The following HAS1 variants were observed in gnomAD, a reference collection of about 807,000 sequenced individuals.
HAS1 encodes hyaluronan synthase 1, also known as HA synthase 1.
HAS1 carries 27 observed loss-of-function variants against 35.0 expected under a neutral mutation model. The observed-to-expected ratio is 0.77, with a 90% CI of 0.57 to 1.06. The LOEUF (loss-of-function observed/expected upper bound fraction) is 1.06. Ranked by LOEUF, HAS1 falls within the 50% of genes least tolerant of loss-of-function variation. The pLI, the probability that HAS1 is intolerant of heterozygous loss-of-function variation, is 0.00. For missense variants in HAS1, 940 were observed against 814.8 expected (o/e 1.15, Z -1.87); for synonymous variants, 409 against 371.2 (o/e 1.10, Z -1.17).
In HAS1 at chr19:51,713,744, G is replaced by C. The variant is rs771697406; in HGVS notation, c.1417C>G (p.Pro473Ala). The C allele has an allele frequency of 6.8e-6, 11 of 1,607,054 alleles. No homozygotes were observed. The Admixed American group carries it at 8.5e-5, about 12-fold the overall frequency. ...YAPLYMCGLL[P>A]AKFLALVTMN... is the part of the protein sequence containing the mutation. ...GTGACTAGCGCCAGGAACTTGGCAG[G>C]CAGGAGGCCACACATGTAGAGGGGC... Residue 473 changes from proline to alanine, a missense_variant, in exon 5 of 5, where the codon CCT (proline) becomes GCT (alanine). Physicochemically the swap from Pro to Ala is conservative, Grantham distance 27. Transcript: ENST00000540069. This position sits in a 1 kb window ranked among gnomAD's most constrained non-coding sequence, Gnocchi z 4.5.
In HAS1 at chr19:51,719,261, C is replaced by G. The variant is rs771909540; in HGVS notation, c.644G>C (p.Arg215Pro). The G allele has an allele frequency of 2.0e-5, 32 of 1,608,848 alleles. No individual in the cohort carries two copies. The highest frequency in any genetic ancestry group is 2.5e-5 in the Non-Finnish European group (29 of 1,178,012). The part of the protein sequence containing the change: ...VCVAQRWGGK[R>P]EVMYTAFKAL... Reference sequence around the variant, plus strand: ...CTTGAAGGCTGTGTACATGACCTCGCGCTTGCCGCCCCAGCGCTGCGCCAC... The same window carrying G: ...CTTGAAGGCTGTGTACATGACCTCGGGCTTGCCGCCCCAGCGCTGCGCCAC... Residue 215 changes from arginine (R) to proline (P), a missense_variant, in exon 2 of 5, where the codon CGC becomes CCC. Arg to Pro is a moderately radical substitution (Grantham distance 103). Transcript: ENST00000540069.
Position 51,713,303 on chromosome 19 carries a change from C to T in HAS1, c.*124G>A. 1.1e-6 allele frequency: 1 copy of T among 948,398 alleles called. No individual in the cohort carries two copies. Among genetic ancestry groups the T allele is most frequent in the Non-Finnish European group, 1.5e-6 (1 of 673,258 alleles). The allele number at this position is 948,398 out of a possible 1,614,324, so 58.7% of individuals were successfully genotyped here. ...GACTGAAGAATCTTGGGCTGACCCCCTCGTTTTGCAGAGGAGGGAAACTGA... is the reference window on the plus strand; with the variant it reads ...GACTGAAGAATCTTGGGCTGACCCCTTCGTTTTGCAGAGGAGGGAAACTGA... On this transcript the variant is annotated 3_prime_UTR_variant, in exon 5 of 5. Transcript: ENST00000540069. This position sits in a 1 kb window ranked among gnomAD's most constrained non-coding sequence, Gnocchi z 4.5.
chr19:51,719,562 C>T lies in HAS1; in HGVS notation c.343G>A (p.Ala115Thr). ...GGGTACAGCAGGGCGCGGGCGGACG[C>T]CAGGCACTGGCGCAGGTACGCGGGG... is the stretch of plus-strand genomic sequence containing the variant. ...EDPAYLRQCL[A>T]SARALLYPRA... Residue 115 changes from alanine (A) to threonine (T), a missense_variant, in exon 2 of 5, where the codon GCG becomes ACG. Coordinates refer to ENST00000540069, the MANE Select transcript of HAS1 (RefSeq NM_001297436.2). 1 of 1,545,658 alleles carries T rather than the reference C, an allele frequency of 6.5e-7. No individual in the cohort carries two copies. Among genetic ancestry groups the T allele is most frequent in the Non-Finnish European group, 8.7e-7 (1 of 1,144,898 alleles).
chr19:51,719,579 T>A lies in HAS1; in HGVS notation c.326A>T (p.Tyr109Phe), dbSNP rs1283069684. 1.3e-6 allele frequency: 2 copies of A among 1,543,968 alleles called. No homozygotes were observed. Among genetic ancestry groups the A allele is most frequent in the South Asian group, 2.4e-5 (2 of 83,262 alleles). Residue 109 changes from tyrosine to phenylalanine, a missense_variant, in exon 2 of 5, where the codon TAC becomes TTC. By Grantham distance (22) the Tyr-to-Phe change is conservative. Coordinates refer to ENST00000540069, the MANE Select transcript of HAS1 (RefSeq NM_001297436.2). ...GGCGGACGCCAGGCACTGGCGCAGG[T>A]ACGCGGGGTCCTCCTGGTAGGCGGA... is the stretch of plus-strand genomic sequence containing the variant. ...TISAYQEDPA[Y>F]LRQCLASARA...
At position 51,713,248 on chromosome 19, in the gene HAS1, A is replaced by G. The variant is rs532665049; in HGVS notation, c.*179T>C. On this transcript the variant is annotated 3_prime_UTR_variant, in exon 5 of 5. Coordinates refer to ENST00000540069, the MANE Select transcript of HAS1 (RefSeq NM_001297436.2). This position sits in a 1 kb window ranked among gnomAD's most constrained non-coding sequence, Gnocchi z 4.5. ...TGACCAATAAATACCCTCCCTGGAG[A>G]CCCAGAAGTCCCAGTCCCAATATAG... is the stretch of plus-strand genomic sequence containing the variant. 36 of 521,220 alleles carry G rather than the reference A, an allele frequency of 6.9e-5. 1 individual carries two copies. In the Admixed American group the frequency reaches 1.2e-3, roughly 18 times the overall value. The allele number at this position is 521,220 out of a possible 1,614,324, so 32.3% of individuals were successfully genotyped here. A position where few individuals can be genotyped will look rare whatever the true frequency, so the allele number is the denominator to read the frequency against.
At chr19:51,720,214 G>T (rs1568628855) in intron 1 of HAS1, among the ~76,000 whole-genome samples, 1 of 151,558 alleles carries the variant, frequency 6.6e-6, no homozygotes, top group African/African-American at 2.4e-5. Flanking sequence ...CCGAGCTCAG[G>T]CTCAGCCTCC....
intron 1 of HAS1, among the ~76,000 whole-genome samples, chr19:51,721,753 G>A (rs1307075915): frequency 4.6e-5 from 7 of 152,062 alleles, no homozygotes; most frequent in South Asian, 2.1e-4. Flanking sequence ...GTGACAGTGC[G>A]AGACTCCATC....
chr19:51,721,166 G>T (rs2083629230), intron 1 of HAS1, among the ~76,000 whole-genome samples: 1 of 151,736 alleles, frequency 6.6e-6, no homozygotes, highest in South Asian at 2.1e-4. Flanking sequence ...CCTAGGAACT[G>T]AATCTCTAAA....
intron 4 of HAS1, 116 bp downstream of exon 4, chr19:51,716,140 G>A (rs947629789): frequency 2.2e-6 from 2 of 919,640 alleles, no homozygotes; most frequent in East Asian, 4.9e-5. Context: ...AGTCTCACTT[G>A]ATAGAGCCCA....
At chr19:51,721,897 C>A (rs574963680) in intron 1 of HAS1, among the ~76,000 whole-genome samples, 5 of 152,244 alleles carry the variant, frequency 3.3e-5, no homozygotes, top group African/African-American at 1.2e-4. Flanking sequence ...GCTACTGCAC[C>A]CGGTCTCTAC....
intron 1 of HAS1, 181 bp from the exon 2 acceptor site, chr19:51,720,076 GTCTC>G (rs137889042): frequency 1.4e-4 from 71 of 516,252 alleles, no homozygotes; most frequent in South Asian, 3.0e-4. Flanking sequence ...CTGTCTCGCT[GTCTC>G]TCTCTCTCTC....
At chr19:51,717,299 T>C in intron 2 of HAS1, 106 bp from the exon 3 acceptor site, 1 of 698,268 alleles carries the variant, frequency 1.4e-6, no homozygotes, top group South Asian at 1.7e-5. Context: ...CTGCAACCGA[T>C]CTGAACATAA....
chr19:51,716,496 G>T, intron 3 of HAS1, 108 bp from the exon 4 acceptor site: 1 of 907,004 alleles, frequency 1.1e-6, no homozygotes, highest in Non-Finnish European at 1.7e-6. Flanking sequence ...CCCATCCTCA[G>T]TCATCATAAT....
Position 51,719,420 on chromosome 19 carries a change from T to A in HAS1, c.485A>T (p.Asp162Val). The change falls in exon 2 of 5, where the codon GAC (aspartate) becomes GTC (valine). Residue 162 changes from aspartate (D) to valine (V), a missense_variant. Asp to Val is a radical substitution (Grantham distance 152, BLOSUM62 -3). Coordinates refer to ENST00000540069, the MANE Select transcript of HAS1 (RefSeq NM_001297436.2). ...TTCCCAGGGCTGGTGGTAGTTGCCG[T>A]CCCACACGTACGTGGCGGGGTCCTC... ...ADEDPATYVW[D>V]GNYHQPWEPA... The A allele has an allele frequency of 6.4e-7, 1 of 1,560,592 alleles. No individual in the cohort carries two copies. The highest frequency in any genetic ancestry group is 8.7e-7 in the Non-Finnish European group (1 of 1,151,882).
Position 51,723,968 on chromosome 19 carries a change from G to T in HAS1, c.-35C>A. On this transcript the variant is annotated 5_prime_UTR_variant, in exon 1 of 5. Coordinates refer to ENST00000540069, the MANE Select transcript of HAS1 (RefSeq NM_001297436.2). ...TCTGGCCGGGCTCTCTCTTCTCTCC[G>T]GCTTGCTCTCCCAGCCTCTCTGTGG... 1 of 1,531,816 alleles carries T rather than the reference G, an allele frequency of 6.5e-7. No homozygotes were observed. The highest frequency in any genetic ancestry group is 8.7e-7 in the Non-Finnish European group (1 of 1,144,320). 94.9% of individuals were successfully genotyped at this position (1,531,816 alleles called of 1,614,324 possible).
At position 51,719,871 on chromosome 19, in the gene HAS1, C is replaced by A; in HGVS notation, c.34G>T (p.Ala12Ser). Residue 12 changes from alanine (A) to serine (S), a missense_variant, in exon 2 of 5, where the codon GCC becomes TCC. Coordinates refer to ENST00000540069, the MANE Select transcript of HAS1 (RefSeq NM_001297436.2). ...RQDAPKPTPA[A>S]CRCSGLARRV... Reference sequence around the variant, plus strand: ...CGGGCCAGGCCGGAGCAGCGGCAGGCTGCAGGAGTGGGCTTGGGCGCGTCC... The same window carrying A: ...CGGGCCAGGCCGGAGCAGCGGCAGGATGCAGGAGTGGGCTTGGGCGCGTCC... 1 of 1,539,328 alleles carries A rather than the reference C, an allele frequency of 6.5e-7. No homozygotes were observed. The highest frequency in any genetic ancestry group is 8.7e-7 in the Non-Finnish European group (1 of 1,147,328).
chr19:51,720,142 T>C lies in HAS1; in HGVS notation c.10-247A>G, dbSNP rs147859931. 8.1e-3 allele frequency among the ~76,000 whole-genome samples: 1,228 copies of C among 151,594 alleles called. 17 individuals carry two copies. The highest frequency in any genetic ancestry group is 0.027 in the African/African-American group (1,120 of 41,174). ...CTTTCGTTTTTTGTTTTTTTTTTCT[T>C]TTGAGACAGGGTCTCACTCCAGCCT... On this transcript the variant is annotated intron_variant, in intron 1 of 4. Coordinates refer to ENST00000540069, the MANE Select transcript of HAS1 (RefSeq NM_001297436.2).
In HAS1 at chr19:51,713,759, T is replaced by G. The variant is rs570540275; in HGVS notation, c.1402A>C (p.Met468Leu). Residue 468 changes from methionine (M) to leucine (L), a missense_variant, in exon 5 of 5, where the codon ATG becomes CTG. By Grantham distance (15) the Met-to-Leu change is conservative (BLOSUM62 2). Coordinates refer to ENST00000540069, the MANE Select transcript of HAS1 (RefSeq NM_001297436.2). The surrounding 1 kb of genome is among the most constrained non-coding windows in gnomAD (Gnocchi z 4.5). ...AACTTGGCAGGCAGGAGGCCACACA[T>G]GTAGAGGGGCGCGTAGAGCGACAGA... is the stretch of plus-strand genomic sequence containing the variant. ...VLLSLYAPLYMCGLLPAKFLA... is the reference protein window; with the variant it reads ...VLLSLYAPLYLCGLLPAKFLA... The G allele has an allele frequency of 5.0e-6, 8 of 1,606,000 alleles. No homozygotes were observed. In the East Asian group the frequency reaches 1.3e-4, roughly 27 times the overall value.
chr19:51,718,748 G>A (rs778191824), intron 2 of HAS1, among the ~76,000 whole-genome samples: 2 of 152,150 alleles, frequency 1.3e-5, no homozygotes, highest in Non-Finnish European at 2.9e-5. Context: ...TGTTGGCCAG[G>A]CTAGTCTAGA....
Sources: allele counts gnomAD v4.1 joint callset (sites outside exome capture counted in the v4.1 genomes callset), GRCh38; gene constraint gnomAD v4.1.1; non-coding constraint Gnocchi (gnomAD v3.1); transcripts MANE v1.5; gene names NCBI Gene and HGNC (gene_info 2026-07-23, HGNC 2026-07-21).